Variants in EFHD1 observed in about 807,000 individuals in gnomAD.
EFHD1 encodes EF-hand domain family member D1.
Under a neutral mutation model 17.2 loss-of-function variants are expected in EFHD1, and 10 were observed. The observed-to-expected ratio is 0.58, with a 90% CI of 0.36 to 0.99. The LOEUF is 0.99. EFHD1 is among the 50% of genes least tolerant of loss of function. The pLI is 0.01. For missense variants in EFHD1, 310 were observed against 327.5 expected (o/e 0.95, Z 0.41); for synonymous variants, 153 against 142.0 (o/e 1.08, Z -0.55).
At chr2:232,657,548 G>A (rs374357847) in intron 1 of EFHD1, among the ~76,000 whole-genome samples, 37 of 152,150 alleles carry the variant, frequency 2.4e-4, no homozygotes, top group African/African-American at 8.2e-4. Flanking sequence ...GGTGGCTCAC[G>A]CCTGTAATCC....
At chr2:232,669,459 C>T (rs1215740817) in intron 2 of EFHD1, among the ~76,000 whole-genome samples, 2 of 152,126 alleles carry the variant, frequency 1.3e-5, no homozygotes, top group Non-Finnish European at 2.9e-5. Context: ...GTGGTTGAGC[C>T]TCTCACCGGC....
At chr2:232,630,209 C>T (rs1285673396), upstream of EFHD1, among the ~76,000 whole-genome samples, 3 of 152,186 alleles carry the variant, frequency 2.0e-5, no homozygotes, top group Admixed American at 1.3e-4. Context: ...CTCAGCCTCC[C>T]AAAGTGCTGG....
upstream of EFHD1, among the ~76,000 whole-genome samples, chr2:232,632,537 T>G (rs778877290): frequency 6.6e-6 from 1 of 152,224 alleles, no homozygotes; most frequent in Non-Finnish European, 1.5e-5. Flanking sequence ...CGACTGTATT[T>G]GTTTTTACCC....
At chr2:232,675,227 A>AGG (rs1695149161) in intron 3 of EFHD1, among the ~76,000 whole-genome samples, 1 of 144,242 alleles carries the variant, frequency 6.9e-6, no homozygotes, top group African/African-American at 2.6e-5. Flanking sequence ...AGGAAGGAGA[A>AGG]AGAAAGAGAG....
At position 232,633,831 on chromosome 2, in the gene EFHD1, C is replaced by T. The variant is rs909135460; in HGVS notation, c.127C>T (p.Pro43Ser). Reference sequence around the variant, plus strand: ...GGAGCCCAAGCCCGAGCCCGAGCCTCCCGCCCGTGCGCCCACGGCCAGCGC... The same window carrying T: ...GGAGCCCAAGCCCGAGCCCGAGCCTTCCGCCCGTGCGCCCACGGCCAGCGC... ...APEPKPEPEP[P>S]ARAPTASADA... The change falls in exon 1 of 4, where the codon CCC (proline) becomes TCC (serine). Residue 43 changes from proline (P) to serine (S), a missense_variant. By Grantham distance (74) the Pro-to-Ser change is moderately conservative. Coordinates refer to ENST00000264059, the MANE Select transcript of EFHD1 (RefSeq NM_025202.4). 4 of 1,482,104 alleles carry T rather than the reference C, an allele frequency of 2.7e-6. No individual in the cohort carries two copies. Among genetic ancestry groups the T allele is most frequent in the African/African-American group, 1.5e-5 (1 of 68,104 alleles). 91.8% of individuals were successfully genotyped at this position (1,482,104 alleles called of 1,614,324 possible).
At chr2:232,612,142 G>C (rs903308027) in intron 1 of EFHD1, among the ~76,000 whole-genome samples, 18 of 152,152 alleles carry the variant, frequency 1.2e-4, no homozygotes, top group Admixed American at 2.0e-4. Flanking sequence ...ACCTGCCACT[G>C]TGCCCAGCTT....
At chr2:232,664,504 G>T (rs1694933892) in intron 2 of EFHD1, among the ~76,000 whole-genome samples, 1 of 151,400 alleles carries the variant, frequency 6.6e-6, no homozygotes, top group Non-Finnish European at 1.5e-5. Flanking sequence ...TCACTTTGTT[G>T]CCCAGGCTGG....
At chr2:232,637,407 G>A (rs1156741184) in intron 1 of EFHD1, among the ~76,000 whole-genome samples, 1 of 148,866 alleles carries the variant, frequency 6.7e-6, no homozygotes, top group Non-Finnish European at 1.5e-5. Context: ...GCAGTGGTGC[G>A]ATCTTGGCTC....
chr2:232,658,416 C>T (rs1238217110), intron 1 of EFHD1, among the ~76,000 whole-genome samples: 4 of 152,114 alleles, frequency 2.6e-5, no homozygotes, highest in Non-Finnish European at 5.9e-5. Context: ...GCGTTGCTCA[C>T]CCTGAGTGGT....
chr2:232,675,231 AAGAG>A (rs1163062260), intron 3 of EFHD1, among the ~76,000 whole-genome samples: 5 of 142,386 alleles, frequency 3.5e-5, no homozygotes, highest in South Asian at 2.2e-4. Context: ...AGGAGAAAGA[AAGAG>A]AGAAAGAAAA....
At chr2:232,608,973 C>A (rs1031053511) in intron 1 of EFHD1, among the ~76,000 whole-genome samples, 13 of 151,000 alleles carry the variant, frequency 8.6e-5, no homozygotes, top group African/African-American at 2.4e-4. Context: ...TGAAACATAT[C>A]ACTATCACAA....
chr2:232,612,496 G>A (rs1693829441), intron 1 of EFHD1, among the ~76,000 whole-genome samples: 1 of 152,008 alleles, frequency 6.6e-6, no homozygotes, highest in African/African-American at 2.4e-5. Flanking sequence ...GAAGATATGT[G>A]GAAAGTCACT....
intron 1 of EFHD1, among the ~76,000 whole-genome samples, chr2:232,609,756 C>A (rs1230411252): frequency 1.3e-5 from 2 of 152,200 alleles, no homozygotes; most frequent in Non-Finnish European, 2.9e-5. Flanking sequence ...CGGAAACAGT[C>A]CCGACACACA....
chr2:232,606,744 GC>G (rs1693720074), intron 1 of EFHD1: 1 of 144,724 alleles, frequency 6.9e-6, no homozygotes, highest in Non-Finnish European at 1.5e-5. Context: ...AAAAAAATTA[GC>G]CGGGCGTGGT....
At chr2:232,637,149 G>A (rs1694332914) in intron 1 of EFHD1, among the ~76,000 whole-genome samples, 1 of 152,178 alleles carries the variant, frequency 6.6e-6, no homozygotes. Flanking sequence ...TGACAAGTCT[G>A]AAACCAACGT....
intron 1 of EFHD1, among the ~76,000 whole-genome samples, chr2:232,641,463 G>A (rs1244645638): frequency 6.6e-6 from 1 of 152,202 alleles, no homozygotes; most frequent in Non-Finnish European, 1.5e-5. Context: ...AGGGCCGAAA[G>A]CTTATGGAGG....
intron 3 of EFHD1, among the ~76,000 whole-genome samples, chr2:232,674,329 T>A (rs148633968): frequency 1.9e-4 from 29 of 152,380 alleles, no homozygotes; most frequent in African/African-American, 6.7e-4. Context: ...CCCACACATT[T>A]GCACACTCTG....
At chr2:232,655,467 G>T (rs1694743486) in intron 1 of EFHD1, among the ~76,000 whole-genome samples, 1 of 152,236 alleles carries the variant, frequency 6.6e-6, no homozygotes, top group Admixed American at 6.5e-5. Context: ...GGTCAGATGA[G>T]TCTGTGTGCT....
chr2:232,669,835 G>A (rs1260723325), intron 2 of EFHD1, among the ~76,000 whole-genome samples: 3 of 151,924 alleles, frequency 2.0e-5, no homozygotes, highest in African/African-American at 7.2e-5. Flanking sequence ...TCCTGACCTC[G>A]TGATCCACCT....
Sources: allele counts gnomAD v4.1 joint callset (sites outside exome capture counted in the v4.1 genomes callset), GRCh38; gene constraint gnomAD v4.1.1; transcripts MANE v1.5; gene names NCBI Gene and HGNC (gene_info 2026-07-23, HGNC 2026-07-21).